TAB2: variants seen among roughly 807,000 people sequenced by gnomAD.
TAB2 encodes the protein TGF-beta-activated kinase 1 and MAP3K7-binding protein 2.
TAB2 carries 3 observed loss-of-function variants against 65.0 expected under a neutral mutation model. The observed-to-expected ratio is 0.05, with a 90% CI of 0.02 to 0.12. The LOEUF (loss-of-function observed/expected upper bound fraction) is 0.12, where lower values mean the gene tolerates loss of function less well. Ranked by LOEUF, TAB2 falls within the 10% of genes least tolerant of loss-of-function variation. The pLI is 1.00. For missense variants in TAB2, 623 were observed against 840.3 expected, an observed-to-expected ratio of 0.74 and a Z score of 3.20; for synonymous variants, 298 against 285.1, an observed-to-expected ratio of 1.05 and a Z score of -0.46.
chr6:149,224,374 C>T (rs1562378658), intron 1 of TAB2, among the ~76,000 whole-genome samples: 1 of 152,114 alleles, frequency 6.6e-6, no homozygotes, highest in Non-Finnish European at 1.5e-5. Flanking sequence ...TAATTTTAAC[C>T]TCTGAAACTC....
At chr6:149,358,326 T>C (rs1391006193) in intron 1 of TAB2, among the ~76,000 whole-genome samples, 4 of 150,990 alleles carry the variant, frequency 2.6e-5, no homozygotes, top group Non-Finnish European at 5.9e-5. Context: ...TTTTACATTA[T>C]TCTGCACATG....
At position 149,362,322 on chromosome 6, in the gene TAB2, C is replaced by T. The variant is rs138416290; in HGVS notation, c.-89-7587C>T. ...TGCTGGGCATCTGCTTCGCTTCTGG[C>T]GGGACCTCAGGAAGCTTACAGCTAT... is the stretch of plus-strand genomic sequence containing the variant. On this transcript the variant is annotated intron_variant, in intron 1 of 6. Coordinates refer to ENST00000637181, the MANE Select transcript of TAB2 (RefSeq NM_001292034.3). Among the ~76,000 whole-genome samples the T allele has an allele frequency of 7.4e-3, 1,132 of 152,250 alleles. 14 individuals are homozygous for T. The highest frequency in any genetic ancestry group is 0.026 in the African/African-American group (1,090 of 41,546).
At chr6:149,377,710 G>C (rs1259654019) in intron 2 of TAB2, among the ~76,000 whole-genome samples, 1 of 151,984 alleles carries the variant, frequency 6.6e-6, no homozygotes, top group Non-Finnish European at 1.5e-5. Flanking sequence ...CATTAAAATT[G>C]CCTTTTTAAT....
chr6:149,231,274 C>T (rs138847442), intron 1 of TAB2, among the ~76,000 whole-genome samples: 1 of 152,166 alleles, frequency 6.6e-6, no homozygotes, highest in African/African-American at 2.4e-5. Flanking sequence ...TAATAACTAC[C>T]GCATGCCTTG....
intron 1 of TAB2, among the ~76,000 whole-genome samples, chr6:149,329,089 G>T (rs984079900): frequency 2.0e-5 from 3 of 152,128 alleles, no homozygotes; most frequent in Non-Finnish European, 4.4e-5. Flanking sequence ...TTAGAAAAAA[G>T]ACAGAGCATC....
intron 1 of TAB2, among the ~76,000 whole-genome samples, chr6:149,310,425 G>GT (rs1212851894): frequency 2.6e-5 from 4 of 151,462 alleles, no homozygotes; most frequent in Admixed American, 6.6e-5. Flanking sequence ...TGTTATTTCT[G>GT]TTTATCTCCA....
intron 1 of TAB2, among the ~76,000 whole-genome samples, chr6:149,229,720 G>A (rs1192249042): frequency 2.6e-5 from 4 of 152,086 alleles, no homozygotes; most frequent in Admixed American, 6.5e-5. Context: ...CTCTCTCTGG[G>A]TCAGTGAGAC....
At chr6:149,400,319 C>A in intron 6 of TAB2, 1 of 1,518,906 alleles carries the variant, frequency 6.6e-7, no homozygotes, top group Non-Finnish European at 8.9e-7. Context: ...CTTCCTGCTG[C>A]TCGTGTACTC....
intron 1 of TAB2, among the ~76,000 whole-genome samples, chr6:149,351,700 C>T (rs551997974): frequency 1.3e-5 from 2 of 152,172 alleles, no homozygotes; most frequent in Middle Eastern, 3.4e-3. Context: ...GAAGTTACTG[C>T]AAGTAAATAG....
chr6:149,318,877 T>C (rs904340910), intron 1 of TAB2: 4 of 152,228 alleles, frequency 2.6e-5, no homozygotes, highest in African/African-American at 7.2e-5. Context: ...TTAATTGTTG[T>C]GGATAAATTC....
upstream of TAB2, among the ~76,000 whole-genome samples, chr6:149,313,534 T>C (rs1215492224): frequency 6.6e-6 from 1 of 152,182 alleles, no homozygotes; most frequent in Non-Finnish European, 1.5e-5. Context: ...CCAATGTACA[T>C]CCTCAACTTT....
At chr6:149,384,046 C>T (rs1781707525) in intron 3 of TAB2, among the ~76,000 whole-genome samples, 1 of 152,144 alleles carries the variant, frequency 6.6e-6, no homozygotes, top group South Asian at 2.1e-4. Flanking sequence ...AAGCAAGGAT[C>T]TTTTCTAAAC....
intron 1 of TAB2, among the ~76,000 whole-genome samples, chr6:149,259,673 A>G (rs1237204429): frequency 6.6e-6 from 1 of 152,206 alleles, no homozygotes; most frequent in African/African-American, 2.4e-5. Flanking sequence ...TTCATAAAAG[A>G]GTGGGGAGAG....
intron 1 of TAB2, among the ~76,000 whole-genome samples, chr6:149,278,057 C>T (rs762444643): frequency 1.3e-5 from 2 of 152,078 alleles, no homozygotes; most frequent in African/African-American, 4.8e-5. Context: ...AGGGACATGC[C>T]AAGAAGAAAA....
intron 1 of TAB2, among the ~76,000 whole-genome samples, chr6:149,332,335 AACTATACCTGTG>A (rs1779809993): frequency 6.6e-6 from 1 of 152,128 alleles, no homozygotes; most frequent in Non-Finnish European, 1.5e-5. Context: ...ATTTGTTTAA[AACTATACCTGTG>A]ACTGCTTTCT....
intron 1 of TAB2, among the ~76,000 whole-genome samples, chr6:149,298,024 A>C (rs1212990504): frequency 1.3e-5 from 2 of 152,192 alleles, no homozygotes; most frequent in African/African-American, 4.8e-5. Context: ...ATATTTCACA[A>C]TGTCATTATA....
chr6:149,281,555 CAAAAAAA>C lies in TAB2; in HGVS notation c.-121+62799_-121+62805del, dbSNP rs59196897. ...TGAACAACACAGCAAGATGCCATCT[CAAAAAAA>C]AAAAAAAAAAAAAAAAAAACTTGAT... On this transcript the variant is annotated intron_variant, in intron 1 of 1. Coordinates refer to the TAB2 transcript ENST00000606202. Among the ~76,000 whole-genome samples, 119 of 70,336 alleles carry C rather than the reference CAAAAAAA, an allele frequency of 1.7e-3. 2 individuals carry two copies. The highest frequency in any genetic ancestry group is 9.6e-3 in the East Asian group (30 of 3,120). The allele number at this position is 70,336 out of a possible 152,430, so 46.1% of individuals were successfully genotyped here.
At chr6:149,349,062 T>G (rs1222690045) in intron 1 of TAB2, among the ~76,000 whole-genome samples, 1 of 152,098 alleles carries the variant, frequency 6.6e-6, no homozygotes, top group Non-Finnish European at 1.5e-5. Flanking sequence ...TACTTTTTCC[T>G]CAATGAGACC....
intron 1 of TAB2, among the ~76,000 whole-genome samples, chr6:149,348,414 G>T (rs1562426912): frequency 6.6e-6 from 1 of 151,214 alleles, no homozygotes; most frequent in South Asian, 2.1e-4. Flanking sequence ...GAAAGAGTAG[G>T]AGAAAGAAGG....
Sources: allele counts gnomAD v4.1 joint callset (sites outside exome capture counted in the v4.1 genomes callset), GRCh38; gene constraint gnomAD v4.1.1; transcripts MANE v1.5; gene names NCBI Gene and HGNC (gene_info 2026-07-23, HGNC 2026-07-21).